EPHA5: variants seen among roughly 807,000 people sequenced by gnomAD.
The protein encoded by EPHA5 is EPH receptor A5.
In EPHA5, 60 loss-of-function variants were observed where a neutral mutation model predicts 105.0. The observed-to-expected ratio is 0.57, with a 90% CI of 0.46 to 0.71. EPHA5 has a LOEUF of 0.71. Ranked by LOEUF, EPHA5 falls within the 30% of genes least tolerant of loss-of-function variation. EPHA5 has a pLI of 0.00. For synonymous variants in EPHA5, 513 were observed against 449.1 expected, an observed-to-expected ratio of 1.14 and a Z score of -1.80; for missense variants, 1,218 against 1,274.7, an observed-to-expected ratio of 0.96 and a Z score of 0.68.
chr4:65,641,512 C>G (rs1170411693), intron 2 of EPHA5, among the ~76,000 whole-genome samples: 1 of 152,076 alleles, frequency 6.6e-6, no homozygotes, highest in African/African-American at 2.4e-5. Flanking sequence ...TCACAAATGG[C>G]ACAGCCAACT....
chr4:65,494,513 T>A (rs1470322956), intron 4 of EPHA5, among the ~76,000 whole-genome samples: 1 of 152,184 alleles, frequency 6.6e-6, no homozygotes, highest in Non-Finnish European at 1.5e-5. Flanking sequence ...AGAGACTTTC[T>A]TATGGAAAAA....
chr4:65,393,991 C>T (rs1720975351), intron 8 of EPHA5, among the ~76,000 whole-genome samples: 1 of 152,026 alleles, frequency 6.6e-6, no homozygotes, highest in Non-Finnish European at 1.5e-5. Context: ...AAATGGTGAA[C>T]TAAAACTACT....
chr4:65,556,285 G>A (rs907160868), intron 3 of EPHA5, among the ~76,000 whole-genome samples: 14 of 152,246 alleles, frequency 9.2e-5, no homozygotes, highest in Admixed American at 2.0e-4. Context: ...TCAATAAAAT[G>A]TTGTTTCATG....
chr4:65,463,652 C>T (rs1193284595), intron 5 of EPHA5, among the ~76,000 whole-genome samples: 1 of 152,066 alleles, frequency 6.6e-6, no homozygotes, highest in East Asian at 1.9e-4. Flanking sequence ...TTTCTACTGT[C>T]CTCATTTAAG....
intron 3 of EPHA5, among the ~76,000 whole-genome samples, chr4:65,507,991 A>C (rs1733235543): frequency 6.6e-6 from 1 of 152,078 alleles, no homozygotes; most frequent in Non-Finnish European, 1.5e-5. Flanking sequence ...ATTCAATATC[A>C]TGACCCTTAG....
intron 5 of EPHA5, among the ~76,000 whole-genome samples, chr4:65,423,901 A>G (rs2149045102): frequency 6.6e-6 from 1 of 152,128 alleles, no homozygotes; most frequent in East Asian, 1.9e-4. Flanking sequence ...AAGGACATAA[A>G]TGTGTATATT....
intron 3 of EPHA5, among the ~76,000 whole-genome samples, chr4:65,501,250 G>A (rs1040510959): frequency 6.6e-6 from 1 of 151,334 alleles, no homozygotes; most frequent in Non-Finnish European, 1.5e-5. Context: ...AACATTGGAA[G>A]TGTAGCCAGA....
At chr4:65,633,008 A>C (rs1284616735) in intron 2 of EPHA5, among the ~76,000 whole-genome samples, 2 of 152,060 alleles carry the variant, frequency 1.3e-5, no homozygotes, top group Non-Finnish European at 2.9e-5. Context: ...GTATTGGGGG[A>C]TATAGGATCA....
At chr4:65,651,004 C>T (rs1395643733) in intron 1 of EPHA5, among the ~76,000 whole-genome samples, 1 of 152,010 alleles carries the variant, frequency 6.6e-6, no homozygotes, top group Non-Finnish European at 1.5e-5. Context: ...ATTTCAATTC[C>T]AATTATGTGG....
At chr4:65,517,619 T>C (rs1734234432) in intron 3 of EPHA5, among the ~76,000 whole-genome samples, 1 of 151,902 alleles carries the variant, frequency 6.6e-6, no homozygotes, top group Non-Finnish European at 1.5e-5. Flanking sequence ...TTCTTCATTG[T>C]GGAATACTGA....
At chr4:65,609,806 A>T (rs372309406) in intron 2 of EPHA5, among the ~76,000 whole-genome samples, 4 of 142,242 alleles carry the variant, frequency 2.8e-5, no homozygotes, top group East Asian at 3.9e-4. Context: ...AGAACAGTTT[A>T]TGATTTAATC....
intron 5 of EPHA5, among the ~76,000 whole-genome samples, chr4:65,485,972 T>A (rs1730843301): frequency 6.6e-6 from 1 of 152,150 alleles, no homozygotes; most frequent in Non-Finnish European, 1.5e-5. Flanking sequence ...AATGTGATTG[T>A]CTTAAAGCAT....
chr4:65,669,508 C>T (rs918814744), intron 1 of EPHA5, 54 bp downstream of exon 1: 19 of 1,309,548 alleles, frequency 1.5e-5, no homozygotes, highest in Admixed American at 1.1e-4. Context: ...ACTCCCAGGC[C>T]CCGCCTAGCC....
At chr4:65,525,709 C>T (rs1735164295) in intron 3 of EPHA5, among the ~76,000 whole-genome samples, 1 of 151,818 alleles carries the variant, frequency 6.6e-6, no homozygotes, top group African/African-American at 2.4e-5. Context: ...ATCATTTTCT[C>T]AAAGAAAAGC....
At chr4:65,443,894 T>C (rs1000863435) in intron 5 of EPHA5, among the ~76,000 whole-genome samples, 11 of 129,534 alleles carry the variant, frequency 8.5e-5, no homozygotes, top group African/African-American at 3.1e-4. Flanking sequence ...TACTTGCAGA[T>C]GTTTGTGTGC....
chr4:65,609,122 C>T (rs577635306), intron 2 of EPHA5, among the ~76,000 whole-genome samples: 1 of 152,152 alleles, frequency 6.6e-6, no homozygotes, highest in Admixed American at 6.5e-5. Context: ...CATATAACAA[C>T]AAGAAAAATG....
intron 3 of EPHA5, among the ~76,000 whole-genome samples, chr4:65,578,159 C>T (rs1470402267): frequency 6.6e-6 from 1 of 152,114 alleles, no homozygotes; most frequent in Non-Finnish European, 1.5e-5. Context: ...AATTCAAGTC[C>T]TGGCAGATTA....
chr4:65,466,471 T>G (rs2149145873), intron 5 of EPHA5, among the ~76,000 whole-genome samples: 1 of 152,262 alleles, frequency 6.6e-6, no homozygotes, highest in South Asian at 2.1e-4. Context: ...ATTAGAGGGT[T>G]TTGAGGAGGG....
chr4:65,563,881 T>C (rs947123387), intron 3 of EPHA5, among the ~76,000 whole-genome samples: 2 of 151,918 alleles, frequency 1.3e-5, no homozygotes, highest in African/African-American at 4.8e-5. Context: ...TCAGAAATCT[T>C]CCCTCTGTTT....
Sources: gnomAD v4.1 joint callset for allele counts (sites outside exome capture counted in the v4.1 genomes callset) on GRCh38, gnomAD v4.1.1 for gene constraint, MANE v1.5 for transcripts, NCBI Gene and HGNC (gene_info 2026-07-23, HGNC 2026-07-21) for gene names.